Variants in CCDC18 observed in about 807,000 individuals in gnomAD.
CCDC18 encodes the protein coiled-coil domain-containing protein 18.
Under a neutral mutation model 196.0 loss-of-function variants are expected in CCDC18, and 157 were observed. That is an observed-to-expected ratio of 0.80 (90% CI 0.70 to 0.91). The LOEUF is 0.91. Among genes scored for constraint, CCDC18 ranks in the 40% least tolerant of loss-of-function variants. CCDC18 has a pLI of 0.00. For synonymous variants in CCDC18, 482 were observed against 529.2 expected, an observed-to-expected ratio of 0.91 and a Z score of 1.22; for missense variants, 1,465 against 1,611.6, an observed-to-expected ratio of 0.91 and a Z score of 1.56.
chr1:93,202,283 AAAG>A (rs1168914689), intron 7 of CCDC18, among the ~76,000 whole-genome samples: 1 of 152,170 alleles, frequency 6.6e-6, no homozygotes, highest in Non-Finnish European at 1.5e-5. Flanking sequence ...GAAGTAGAAA[AAAG>A]AAATTCATTT....
chr1:93,186,785 AACTT>A (rs1265660886), intron 4 of CCDC18, among the ~76,000 whole-genome samples: 1 of 152,026 alleles, frequency 6.6e-6, no homozygotes. Context: ...AAGGAAGTAT[AACTT>A]ACTTATCTTC....
chr1:93,221,641 A>G lies in CCDC18; in HGVS notation c.1995A>G (p.Gln665=), dbSNP rs778427017. The G allele has an allele frequency of 3.2e-6, 5 of 1,557,296 alleles. No individual in the cohort carries two copies. The highest frequency in any genetic ancestry group is 4.3e-6 in the Non-Finnish European group (5 of 1,160,812). ...LEAQLEKKDQ[Q]FKEQEKTMSM... is the part of the protein sequence containing the mutation. The stretch of plus-strand genomic sequence containing the variant: ...CTCAACTAGAGAAAAAGGACCAACA[A>G]TTTAAAGAACAAGAAAAGACTATGT... Residue 665 remains glutamine (Q), a synonymous_variant, in exon 15 of 29, where the codon CAA becomes CAG. Coordinates refer to ENST00000690025, the MANE Select transcript of CCDC18 (RefSeq NM_001378204.1).
rs1247114353 is a variant in CCDC18 at position 93,239,827 on chromosome 1, T to C, written c.2912T>C (p.Val971Ala). The C allele has an allele frequency of 1.2e-5, 19 of 1,613,544 alleles. No homozygotes were observed. The East Asian group carries it at 4.0e-4, about 34-fold the overall frequency. The stretch of plus-strand genomic sequence containing the variant: ...AGACAACTCCAGGAATTGAGAGATG[T>C]ACTACAGAAGGCTCAATTATCATTA... ...TLRQLQELRD[V>A]LQKAQLSLEE... Residue 971 changes from valine (V) to alanine (A), a missense_variant, in exon 21 of 29, where the codon GTA (valine) becomes GCA (alanine). Transcript: ENST00000690025.
chr1:93,190,134 A>AT (rs113196980), intron 4 of CCDC18, among the ~76,000 whole-genome samples: 42 of 151,024 alleles, frequency 2.8e-4, no homozygotes, highest in East Asian at 3.9e-4. Flanking sequence ...AGATTTAATG[A>AT]TTTTTTTTTC....
At chr1:93,197,345 A>G (rs1442209869) in intron 6 of CCDC18, among the ~76,000 whole-genome samples, 3 of 152,162 alleles carry the variant, frequency 2.0e-5, no homozygotes, top group African/African-American at 4.8e-5. Flanking sequence ...CAAATTACAG[A>G]TTTAGCTATA....
In CCDC18 at chr1:93,256,530, A is replaced by G; in HGVS notation, c.3538A>G (p.Lys1180Glu). 2 of 1,610,570 alleles carry G rather than the reference A, an allele frequency of 1.2e-6. No homozygotes were observed. Among genetic ancestry groups the G allele is most frequent in the South Asian group, 1.1e-5 (1 of 90,912 alleles). ...SELEDMKQLS[K>E]EKDAHGNHLA... ...ACTGGAGGATATGAAGCAACTCTCT[A>G]AAGAGAAAGTAATCCCTATTTTAAA... The change falls in exon 25 of 29, where the codon AAA becomes GAA. Residue 1180 changes from lysine to glutamate, a missense_variant. Transcript: ENST00000690025.
intron 23 of CCDC18, among the ~76,000 whole-genome samples, chr1:93,250,341 AC>A (rs1244311909): frequency 6.8e-6 from 1 of 146,270 alleles, no homozygotes; most frequent in Non-Finnish European, 1.5e-5. Context: ...TGATTGTGCC[AC>A]TGCACTCCAG....
chr1:93,260,920 C>A lies in CCDC18; in HGVS notation c.3684+2035C>A, dbSNP rs1401717068. ...TGCTGAGAATGATGGTTTCCAGCTT[C>A]ATCCATGTCCCTGCAAAGGACGTGA... On this transcript the variant is annotated intron_variant, in intron 26 of 28. Coordinates refer to ENST00000690025, the MANE Select transcript of CCDC18 (RefSeq NM_001378204.1). Among the ~76,000 whole-genome samples the A allele has an allele frequency of 2.0e-5, 3 of 152,332 alleles. No individual in the cohort carries two copies. In the South Asian group the frequency reaches 6.2e-4, roughly 32 times the overall value.
At chr1:93,273,075 C>CT (rs546083180) in intron 28 of CCDC18, among the ~76,000 whole-genome samples, 25,667 of 146,814 alleles carry the variant, frequency 0.17, 2,383 homozygotes, top group African/African-American at 0.22. Flanking sequence ...CTTTTCTTTT[C>CT]TTTTTTTTTT....
In CCDC18 at chr1:93,239,708, C is replaced by T. The variant is rs1439774391; in HGVS notation, c.2793C>T (p.His931=). 5 of 1,612,848 alleles carry T rather than the reference C, an allele frequency of 3.1e-6. No individual in the cohort carries two copies. The highest frequency in any genetic ancestry group is 4.2e-6 in the Non-Finnish European group (5 of 1,179,182). ...NAVKELEKLQ[H]STETELTEAL... is the part of the protein sequence containing the mutation. ...TAAAGGAGTTAGAAAAGTTACAGCA[C>T]AGTACTGAAACTGAACTAACAGAAG... Residue 931 remains histidine (H), a synonymous_variant, in exon 21 of 29, where the codon CAC becomes CAT. Transcript: ENST00000690025.
At chr1:93,181,159 TA>T (rs71094239) in intron 1 of CCDC18, among the ~76,000 whole-genome samples, 19,660 of 89,680 alleles carry the variant, frequency 0.22, 1,967 homozygotes, top group African/African-American at 0.28. Context: ...TCTATAAAAT[TA>T]AAAAAAAAAA....
intron 6 of CCDC18, among the ~76,000 whole-genome samples, chr1:93,194,738 A>G (rs1652424470): frequency 6.6e-6 from 1 of 152,246 alleles, no homozygotes; most frequent in Admixed American, 6.5e-5. Context: ...TGGTTAGTTA[A>G]AATAGTGAGA....
upstream of CCDC18, chr1:93,180,364 C>A (rs1649308564): frequency 1.5e-6 from 2 of 1,308,738 alleles, no homozygotes; most frequent in Non-Finnish European, 2.1e-6. Flanking sequence ...CTCCAGGTGG[C>A]GGCCGCGGCG....
rs952311946 is a variant in CCDC18 at position 93,270,729 on chromosome 1, C to T, written c.4268C>T (p.Thr1423Met). Residue 1423 changes from threonine to methionine, a missense_variant, in exon 28 of 29, where the codon ACG becomes ATG. Thr to Met is a moderately conservative substitution (Grantham distance 81, BLOSUM62 -1). Coordinates refer to ENST00000690025, the MANE Select transcript of CCDC18 (RefSeq NM_001378204.1). ...ADSSENNDFN[T>M]LSGMLRYINK... Reference sequence around the variant, plus strand: ...AGTTCTGAGAATAATGACTTTAACACGCTTAGTGGGATGCTAAGATACATA... The same window carrying T: ...AGTTCTGAGAATAATGACTTTAACATGCTTAGTGGGATGCTAAGATACATA... 47 of 1,549,908 alleles carry T rather than the reference C, an allele frequency of 3.0e-5. No individual in the cohort carries two copies. The highest frequency in any genetic ancestry group is 5.5e-5 in the African/African-American group (4 of 72,984).
intron 27 of CCDC18, 108 bp from the exon 28 acceptor site, chr1:93,270,238 TC>T: frequency 4.5e-6 from 3 of 665,690 alleles, no homozygotes; most frequent in Non-Finnish European, 7.7e-6. Context: ...TAAACAGAAT[TC>T]CTATAGTGGG....
In CCDC18 at chr1:93,239,911, A is replaced by G; in HGVS notation, c.2981+15A>G. On this transcript the variant is annotated intron_variant, in intron 21 of 28. Transcript: ENST00000690025. ...GCTGAACTTAGGTGAGTTAAATAAT[A>G]AGAAATTATATCACAGTTATAAGTC... 6 of 1,445,052 alleles carry G rather than the reference A, an allele frequency of 4.2e-6. No individual in the cohort carries two copies. The highest frequency in any genetic ancestry group is 5.8e-6 in the Non-Finnish European group (6 of 1,035,974). The allele number at this position is 1,445,052 out of a possible 1,614,324, so 89.5% of individuals were successfully genotyped here. A position where few individuals can be genotyped will look rare whatever the true frequency, so the allele number is the denominator to read the frequency against.
At chr1:93,261,453 G>A (rs543499474) in intron 26 of CCDC18, among the ~76,000 whole-genome samples, 4 of 152,052 alleles carry the variant, frequency 2.6e-5, no homozygotes, top group African/African-American at 7.2e-5. Context: ...GAATGAAAAG[G>A]AATGCTATAG....
chr1:93,276,596 TGAA>T (rs1208519466), intron 28 of CCDC18, among the ~76,000 whole-genome samples: 1 of 151,550 alleles, frequency 6.6e-6, no homozygotes, highest in East Asian at 1.9e-4. Flanking sequence ...AAAACAAAGA[TGAA>T]AAAAAAATGT....
chr1:93,211,645 C>T (rs1655668020), intron 10 of CCDC18, among the ~76,000 whole-genome samples: 1 of 152,110 alleles, frequency 6.6e-6, no homozygotes, highest in African/African-American at 2.4e-5. Flanking sequence ...AAAATTCATT[C>T]ATATTGAGAT....
Sources: gnomAD v4.1 joint callset for allele counts (sites outside exome capture counted in the v4.1 genomes callset) on GRCh38, gnomAD v4.1.1 for gene constraint, MANE v1.5 for transcripts, NCBI Gene and HGNC (gene_info 2026-07-23, HGNC 2026-07-21) for gene names.